Variants in SLC2A14 observed in about 807,000 individuals in gnomAD.
The protein encoded by SLC2A14 is solute carrier family 2 member 14, also known as solute carrier family 2, facilitated glucose transporter member 14.
A neutral mutation model predicts 43.0 loss-of-function variants in SLC2A14; 13 were observed. That is an observed-to-expected ratio of 0.30 (90% CI 0.20 to 0.48). The LOEUF is 0.48. SLC2A14 is among the 20% of genes least tolerant of loss of function. SLC2A14 has a pLI of 0.99. For synonymous variants in SLC2A14, 190 were observed against 233.8 expected (o/e 0.81, Z 1.71); for missense variants, 428 against 620.4 (o/e 0.69, Z 3.29).
In SLC2A14 at chr12:7,861,972, A is replaced by AG. The variant is rs1451944911; in HGVS notation, c.18+7890_18+7891insC. Among the ~76,000 whole-genome samples the AG allele has an allele frequency of 1.1e-4, 16 of 146,518 alleles. No homozygotes were observed. The South Asian group carries it at 3.3e-3, about 30-fold the overall frequency. Reference sequence around the variant, plus strand: ...GCGAGACTCCATTTCAAAAAAAAAAAAACAAAAACAAAGGCCAGTGTGGTG... The same window carrying AG: ...GCGAGACTCCATTTCAAAAAAAAAAAGAACAAAAACAAAGGCCAGTGTGGTG... On this transcript the variant is annotated intron_variant, in intron 2 of 10. Coordinates refer to ENST00000431042, the MANE Select transcript of SLC2A14 (RefSeq NM_001286234.2).
intron 3 of SLC2A14, among the ~76,000 whole-genome samples, chr12:7,832,108 AAAAC>A (rs974092235): frequency 1.3e-5 from 2 of 152,242 alleles, no homozygotes; most frequent in African/African-American, 4.8e-5. Context: ...ACTACATCTC[AAAAC>A]AAACAAACAA....
At chr12:7,882,754 T>G (rs762247361) in intron 1 of SLC2A14, among the ~76,000 whole-genome samples, 1 of 151,880 alleles carries the variant, frequency 6.6e-6, no homozygotes, top group Non-Finnish European at 1.5e-5. Context: ...GGAGAATCAC[T>G]TGAACCCAGG....
In SLC2A14 at chr12:7,863,042, A is replaced by G. The variant is rs373347336; in HGVS notation, c.18+6821T>C. On this transcript the variant is annotated intron_variant, in intron 2 of 10. Coordinates refer to ENST00000431042, the MANE Select transcript of SLC2A14 (RefSeq NM_001286234.2). ...GGCAACCAGCTTGGGTGTCCTTTCA[A>G]ACTGTTGAAGCTTTGTTGTTTCACT... 9.9e-5 allele frequency among the ~76,000 whole-genome samples: 15 copies of G among 152,240 alleles called. No individual in the cohort carries two copies. The East Asian group carries it at 2.3e-3, about 23-fold the overall frequency.
At chr12:7,831,347 C>A in intron 4 of SLC2A14, 1 of 411,070 alleles carries the variant, frequency 2.4e-6, no homozygotes, top group Non-Finnish European at 4.4e-6. Flanking sequence ...GGGAATAATT[C>A]TGAACTATCC....
intron 2 of SLC2A14, among the ~76,000 whole-genome samples, chr12:7,861,625 C>T (rs143718759): frequency 1.3e-5 from 2 of 151,918 alleles, no homozygotes; most frequent in African/African-American, 4.8e-5. Context: ...TCACTTGTCC[C>T]GAAAACCATA....
At chr12:7,887,911 T>G (rs924449101) in intron 1 of SLC2A14, among the ~76,000 whole-genome samples, 1 of 152,132 alleles carries the variant, frequency 6.6e-6, no homozygotes, top group Non-Finnish European at 1.5e-5. Context: ...TCCTTTGGCT[T>G]TCTCTCATTC....
intron 2 of SLC2A14, among the ~76,000 whole-genome samples, chr12:7,868,684 T>C (rs911912050): frequency 6.6e-6 from 1 of 152,164 alleles, no homozygotes; most frequent in African/African-American, 2.4e-5. Context: ...GTAACTTGTT[T>C]TGTTAGAGAA....
chr12:7,878,066 T>C (rs1382979829), upstream of SLC2A14, among the ~76,000 whole-genome samples: 1 of 151,722 alleles, frequency 6.6e-6, no homozygotes, highest in East Asian at 1.9e-4. Context: ...TTTTATTTTT[T>C]TGAGACAGAG....
At chr12:7,852,112 T>C (rs1866982561) in intron 2 of SLC2A14, among the ~76,000 whole-genome samples, 1 of 152,132 alleles carries the variant, frequency 6.6e-6, no homozygotes, top group Non-Finnish European at 1.5e-5. Context: ...TTTACTTAGT[T>C]TTTAGAGATG....
Position 7,823,995 on chromosome 12 carries a change from A to T in SLC2A14, c.865-2670T>A, listed in dbSNP as rs145896779. Among the ~76,000 whole-genome samples, 1,021 of 152,188 alleles carry T rather than the reference A, an allele frequency of 6.7e-3. 15 individuals carry two copies. Among genetic ancestry groups the T allele is most frequent in the African/African-American group, 0.023 (943 of 41,520 alleles). ...AATTGGCCAGGCGCAGTTGCTCACGACTGTAATCCCAGCACATTGGGAGGC... is the reference window on the plus strand; with the variant it reads ...AATTGGCCAGGCGCAGTTGCTCACGTCTGTAATCCCAGCACATTGGGAGGC... On this transcript the variant is annotated intron_variant, in intron 7 of 10. Coordinates refer to ENST00000431042, the MANE Select transcript of SLC2A14 (RefSeq NM_001286234.2).
At chr12:7,821,450 A>G in intron 7 of SLC2A14, 125 bp from the exon 8 acceptor site, 1 of 740,184 alleles carries the variant, frequency 1.4e-6, no homozygotes, top group Non-Finnish European at 2.3e-6. Flanking sequence ...TGGGAGGCCA[A>G]GGCAAGCAGA....
At chr12:7,856,587 G>T (rs1397668804) in intron 2 of SLC2A14, 1 of 152,204 alleles carries the variant, frequency 6.6e-6, no homozygotes, top group Non-Finnish European at 1.5e-5. Flanking sequence ...GGTGCAAGAT[G>T]CACAATTTAA....
intron 7 of SLC2A14, among the ~76,000 whole-genome samples, chr12:7,822,451 A>C (rs1488275590): frequency 2.0e-5 from 3 of 151,390 alleles, no homozygotes; most frequent in Admixed American, 6.6e-5. Flanking sequence ...GCAGATCACG[A>C]GGTCAGGAGA....
At chr12:7,814,989 G>C (rs2120635647) in intron 10 of SLC2A14, among the ~76,000 whole-genome samples, 1 of 151,990 alleles carries the variant, frequency 6.6e-6, no homozygotes, top group East Asian at 2.0e-4. Context: ...TAGCAGAGAT[G>C]GGGTTTCACC....
intron 7 of SLC2A14, 47 bp from the exon 8 acceptor site, chr12:7,821,372 CTT>C: frequency 6.6e-7 from 1 of 1,507,800 alleles, no homozygotes; most frequent in South Asian, 1.1e-5. Flanking sequence ...CTGCACACCA[CTT>C]ACACAGAACC....
At chr12:7,836,063 CCTT>C (rs1234431117) in intron 2 of SLC2A14, among the ~76,000 whole-genome samples, 1 of 152,074 alleles carries the variant, frequency 6.6e-6, no homozygotes, top group Non-Finnish European at 1.5e-5. Flanking sequence ...CTTTCCTCTC[CCTT>C]CTTCAAAAAT....
At chr12:7,874,842 T>C (rs1435285802), upstream of SLC2A14, among the ~76,000 whole-genome samples, 1 of 84,798 alleles carries the variant, frequency 1.2e-5, no homozygotes, top group Non-Finnish European at 2.5e-5. Context: ...TATAAATACG[T>C]ATTTATATAT....
chr12:7,880,939 AG>A (rs1197318394), intron 1 of SLC2A14, among the ~76,000 whole-genome samples: 1 of 152,150 alleles, frequency 6.6e-6, no homozygotes, highest in African/African-American at 2.4e-5. Flanking sequence ...CAAGAGTTCG[AG>A]ACCAGCCTGA....
rs760554775 is a variant in SLC2A14, at chr12:7,820,962, C to T, written c.969+259G>A. Among the ~76,000 whole-genome samples, 31 of 152,106 alleles carry T rather than the reference C, an allele frequency of 2.0e-4. No homozygotes were observed. In the East Asian group the frequency reaches 6.0e-3, roughly 30 times the overall value. On this transcript the variant is annotated intron_variant, in intron 8 of 10. Transcript: ENST00000431042. The stretch of plus-strand genomic sequence containing the variant: ...ATGAGTTGGGCGTGGTGGCGCACAC[C>T]TGTATCCGAGCTACTTCGGAAGGCT...
Sources: allele counts gnomAD v4.1 joint callset (sites outside exome capture counted in the v4.1 genomes callset), GRCh38; gene constraint gnomAD v4.1.1; transcripts MANE v1.5; gene names NCBI Gene and HGNC (gene_info 2026-07-23, HGNC 2026-07-21).